The following SSBP3 variants were observed in gnomAD, a reference collection of about 807,000 sequenced individuals.
SSBP3 encodes the protein single-stranded DNA-binding protein 3.
SSBP3 carries 5 observed loss-of-function variants against 69.6 expected under a neutral mutation model. The ratio of observed to expected loss-of-function variants is 0.07; its 90% CI spans 0.04 to 0.15. The LOEUF (loss-of-function observed/expected upper bound fraction) is 0.15, where lower values mean the gene tolerates loss of function less well. SSBP3 is among the 10% of genes least tolerant of loss of function. The pLI is 1.00. For synonymous variants in SSBP3, 196 were observed against 193.4 expected (o/e 1.01, Z -0.11); for missense variants, 312 against 534.0 (o/e 0.58, Z 4.10).
chr1:54,381,309 G>A (rs1388978445), intron 4 of SSBP3, among the ~76,000 whole-genome samples: 1 of 149,134 alleles, frequency 6.7e-6, no homozygotes, highest in Non-Finnish European at 1.5e-5. Context: ...CTTAAACTCG[G>A]GAGGCAGAGG....
chr1:54,241,369 CA>C, intron 12 of SSBP3, 104 bp downstream of exon 12: 1 of 1,269,692 alleles, frequency 7.9e-7, no homozygotes, highest in Non-Finnish European at 1.2e-6. Context: ...AACCTCTGCT[CA>C]GAAGAATGTG....
intron 3 of SSBP3, among the ~76,000 whole-genome samples, chr1:54,403,827 G>A (rs148497221): frequency 7.7e-4 from 117 of 152,230 alleles, no homozygotes; most frequent in African/African-American, 2.7e-3. Flanking sequence ...ACTGGCTCCG[G>A]CTGACCCTGA....
At chr1:54,225,439 A>G in exon 18 of SSBP3, 1 of 1,228,002 alleles carries the variant, frequency 8.1e-7, no homozygotes, top group East Asian at 3.2e-5. Context: ...GGCTGCGGAA[A>G]AAAGATGTCC....
chr1:54,378,714 C>A (rs1647384581), intron 4 of SSBP3, among the ~76,000 whole-genome samples: 1 of 152,174 alleles, frequency 6.6e-6, no homozygotes, highest in African/African-American at 2.4e-5. Flanking sequence ...GGGAGTGAGG[C>A]CCGGGGCTGA....
At position 54,315,882 on chromosome 1, in the gene SSBP3, G is replaced by A. The variant is rs533723439; in HGVS notation, c.277-34355C>T. On this transcript the variant is annotated intron_variant, in intron 4 of 17. Coordinates refer to ENST00000610401, the Ensembl canonical transcript of SSBP3. ...GCGCCATATTGCCCAGATTGGTCTC[G>A]GACTCCTGGTCTCAAGGAATCCTCC... is the stretch of plus-strand genomic sequence containing the variant. Among the ~76,000 whole-genome samples the A allele has an allele frequency of 5.3e-5, 8 of 151,928 alleles. No individual in the cohort carries two copies. In the East Asian group the frequency reaches 1.2e-3, roughly 22 times the overall value.
intron 4 of SSBP3, among the ~76,000 whole-genome samples, chr1:54,385,129 C>T (rs1017489286): frequency 3.9e-5 from 6 of 152,178 alleles, no homozygotes; most frequent in African/African-American, 1.2e-4. Flanking sequence ...TGAGCACAGC[C>T]CCTGATGGCA....
intron 7 of SSBP3, among the ~76,000 whole-genome samples, chr1:54,255,060 T>C (rs1049970091): frequency 6.8e-6 from 1 of 147,358 alleles, no homozygotes; most frequent in African/African-American, 2.5e-5. Flanking sequence ...CTCGAACTCC[T>C]GATCAAGTGA....
chr1:54,412,573 T>TA (rs1557603713), intron 1 of SSBP3: 1 of 152,108 alleles, frequency 6.6e-6, no homozygotes, highest in East Asian at 1.9e-4. Flanking sequence ...TTAATGATAA[T>TA]AGAGCTTCAG....
intron 4 of SSBP3, among the ~76,000 whole-genome samples, chr1:54,302,244 G>A (rs1055980178): frequency 5.9e-5 from 9 of 152,014 alleles, no homozygotes; most frequent in African/African-American, 2.2e-4. Flanking sequence ...CCGGTGCTTA[G>A]TTAGTGCAGG....
At chr1:54,389,902 A>T (rs561755399) in intron 4 of SSBP3, among the ~76,000 whole-genome samples, 14 of 136,534 alleles carry the variant, frequency 1.0e-4, no homozygotes, top group Middle Eastern at 3.8e-3. Flanking sequence ...TTTTTTTTTT[A>T]AATTAAGAAG....
chr1:54,226,955 G>A (rs1467609242), exon 18 of SSBP3: 4 of 642,224 alleles, frequency 6.2e-6, no homozygotes, highest in Admixed American at 2.6e-5. Flanking sequence ...CCTTTTTATT[G>A]CATGAAACTA....
intron 13 of SSBP3, among the ~76,000 whole-genome samples, chr1:54,240,047 G>GGGGTGTGTGTGT (rs759078115): frequency 1.3e-5 from 1 of 77,792 alleles, no homozygotes; most frequent in African/African-American, 5.4e-5. Flanking sequence ...ATTGTGATGG[G>GGGGTGTGTGTGT]GTGTGTGTGT....
exon 1 of SSBP3, chr1:54,406,152 G>C (rs1321357028): frequency 5.3e-6 from 3 of 561,934 alleles, no homozygotes; most frequent in South Asian, 3.6e-5. Flanking sequence ...TCCTCGCCGC[G>C]CTCCCCTCCC....
chr1:54,409,988 C>G (rs563455748), upstream of SSBP3, among the ~76,000 whole-genome samples: 8 of 152,236 alleles, frequency 5.3e-5, no homozygotes, highest in African/African-American at 1.9e-4. Flanking sequence ...CAGATCCCCC[C>G]TCTGAACTCC....
intron 4 of SSBP3, among the ~76,000 whole-genome samples, chr1:54,322,144 CTCACAAGTCT>C (rs1646224193): frequency 6.6e-6 from 1 of 152,210 alleles, no homozygotes; most frequent in African/African-American, 2.4e-5. Flanking sequence ...GATCTGGCTT[CTCACAAGTCT>C]CCACAATTTC....
At chr1:54,269,650 G>A (rs1645159902) in intron 5 of SSBP3, among the ~76,000 whole-genome samples, 1 of 152,246 alleles carries the variant, frequency 6.6e-6, no homozygotes, top group African/African-American at 2.4e-5. Flanking sequence ...AAAGTGACCT[G>A]AGAGGGAAGA....
Position 54,405,996 on chromosome 1 carries a change from C to T in SSBP3, c.13G>A (p.Gly5Ser), listed in dbSNP as rs867473249. 6 of 1,486,180 alleles carry T rather than the reference C, an allele frequency of 4.0e-6. No individual in the cohort carries two copies. Among genetic ancestry groups the T allele is most frequent in the Non-Finnish European group, 5.4e-6 (6 of 1,113,348 alleles). 92.1% of individuals were successfully genotyped at this position (1,486,180 alleles called of 1,614,324 possible). ...TCCGAGGGCACCGCCGAGCCTTTGC[C>T]TTTGGCAAACATGGTTTGCAGGGAA... Residue 5 changes from glycine to serine, a missense_variant, in exon 1 of 18, where the codon GGC becomes AGC. By Grantham distance (56) the Gly-to-Ser change is moderately conservative. Transcript: ENST00000610401.
At chr1:54,345,578 T>A (rs752236988) in intron 4 of SSBP3, among the ~76,000 whole-genome samples, 2 of 152,190 alleles carry the variant, frequency 1.3e-5, no homozygotes, top group African/African-American at 4.8e-5. Context: ...TCTGAAGTGC[T>A]TGCATGAACA....
chr1:54,263,588 T>C (rs1645051785), intron 5 of SSBP3, among the ~76,000 whole-genome samples: 1 of 152,244 alleles, frequency 6.6e-6, no homozygotes, highest in Non-Finnish European at 1.5e-5. Context: ...AAGCAGGAGC[T>C]TGACGTCTGG....
Sources: gnomAD v4.1 joint callset for allele counts (sites outside exome capture counted in the v4.1 genomes callset) on GRCh38, gnomAD v4.1.1 for gene constraint, MANE v1.5 for transcripts, NCBI Gene and HGNC (gene_info 2026-07-23, HGNC 2026-07-21) for gene names.